CEACAM21: variants seen among roughly 807,000 people sequenced by gnomAD.
CEACAM21 encodes cell adhesion molecule CEACAM21.
In CEACAM21, 38 loss-of-function variants were observed where a neutral mutation model predicts 33.2. The observed-to-expected ratio is 1.14, with a 90% confidence interval of 0.88 to 1.50. The LOEUF (loss-of-function observed/expected upper bound fraction) is 1.50, where lower values mean the gene tolerates loss of function less well. CEACAM21 is among the 40% of genes most tolerant of loss of function. The pLI, the probability that CEACAM21 is intolerant of heterozygous loss-of-function variation, is 0.00. For synonymous variants in CEACAM21, 156 were observed against 143.0 expected (o/e 1.09, Z -0.65); for missense variants, 385 against 364.6 (o/e 1.06, Z -0.46).
intron 1 of CEACAM21, among the ~76,000 whole-genome samples, chr19:41,559,574 A>G (rs184845543): frequency 6.6e-6 from 1 of 152,332 alleles, no homozygotes; most frequent in Non-Finnish European, 1.5e-5. Context: ...ATAAGAAAAT[A>G]GTTAATATGT....
intron 4 of CEACAM21, among the ~76,000 whole-genome samples, 161 bp downstream of exon 4, chr19:41,584,604 A>T (rs2070579706): frequency 6.6e-6 from 1 of 151,846 alleles, no homozygotes; most frequent in Admixed American, 6.6e-5. Context: ...CCAGCTGCTG[A>T]CCCTGGGCTG....
intron 1 of CEACAM21, among the ~76,000 whole-genome samples, chr19:41,552,522 CTCAG>C (rs2041275038): frequency 6.6e-6 from 1 of 152,232 alleles, no homozygotes; most frequent in Non-Finnish European, 1.5e-5. Context: ...AACTTAACCA[CTCAG>C]TCAGTACTGA....
chr19:41,580,356 C>G (rs1555793138), intron 3 of CEACAM21, among the ~76,000 whole-genome samples: 1 of 152,118 alleles, frequency 6.6e-6, no homozygotes, highest in Admixed American at 6.5e-5. Flanking sequence ...CAGTTCTGCA[C>G]CGTACATCAG....
intron 2 of CEACAM21, chr19:41,565,558 T>C (rs1230268987): frequency 1.1e-5 from 1 of 92,378 alleles, no homozygotes; most frequent in Non-Finnish European, 1.8e-5. Context: ...GCCCCCCTTG[T>C]TTTTCACAGA....
intron 1 of CEACAM21, among the ~76,000 whole-genome samples, chr19:41,553,199 T>C (rs1555784832): frequency 6.6e-6 from 1 of 151,994 alleles, no homozygotes; most frequent in African/African-American, 2.4e-5. Context: ...CTTGACTCAC[T>C]GTAACCTCCG....
chr19:41,581,206 C>A (rs1363437321), intron 3 of CEACAM21, among the ~76,000 whole-genome samples: 1 of 152,242 alleles, frequency 6.6e-6, no homozygotes, highest in East Asian at 1.9e-4. Context: ...GGGTGGAAAA[C>A]CGCTTAAAGG....
At chr19:41,586,258 A>T in intron 6 of CEACAM21, 2 of 528,778 alleles carry the variant, frequency 3.8e-6, no homozygotes, top group Non-Finnish European at 7.0e-6. Context: ...ATCTGTCCCC[A>T]CTGGCATCTG....
intron 3 of CEACAM21, among the ~76,000 whole-genome samples, chr19:41,581,995 T>G (rs2043428753): frequency 6.6e-6 from 1 of 152,230 alleles, no homozygotes; most frequent in Non-Finnish European, 1.5e-5. Flanking sequence ...AAGTTTCATC[T>G]GAGACAAGGC....
intron 4 of CEACAM21, among the ~76,000 whole-genome samples, chr19:41,584,753 C>G (rs1272680321): frequency 6.6e-6 from 1 of 152,218 alleles, no homozygotes; most frequent in Non-Finnish European, 1.5e-5. Context: ...GTACCTCCCC[C>G]TGTTCACTGA....
rs1368314216 is a variant in CEACAM21 at position 41,586,620 on chromosome 19, G to A, written c.*157G>A. The A allele has an allele frequency of 1.7e-6, 1 of 571,962 alleles. No homozygotes were observed. The highest frequency in any genetic ancestry group is 1.9e-5 in the Admixed American group (1 of 51,670). The allele number at this position is 571,962 out of a possible 1,614,324, so 35.4% of individuals were successfully genotyped here. ...GGAAGGACATGGAGCCTGAGCCAGA[G>A]AACCAGCTCTGAGTCCTGAGGAGAC... On this transcript the variant is annotated 3_prime_UTR_variant, in exon 7 of 7. Coordinates refer to ENST00000401445, the MANE Select transcript of CEACAM21 (RefSeq NM_001098506.4).
intron 2 of CEACAM21, 33 bp downstream of exon 2, chr19:41,577,592 G>C: frequency 6.2e-7 from 1 of 1,608,626 alleles, no homozygotes; most frequent in Non-Finnish European, 8.5e-7. Context: ...TGGGTGTTGG[G>C]GGTCAGTTCT....
Position 41,576,298 on chromosome 19 carries a change from C to G in CEACAM21, c.24C>G (p.Pro8=). ...CCATGGGGCCCCCCTCAGCTTGTCC[C>G]CACAGAGAATGCATCCCCTGGCAGG... MGPPSAC[P]HRECIPWQGL... Residue 8 remains proline (P), a synonymous_variant, in exon 1 of 7, where the codon CCC becomes CCG. Coordinates refer to ENST00000401445, the MANE Select transcript of CEACAM21 (RefSeq NM_001098506.4). 6.2e-7 allele frequency: 1 copy of G among 1,613,360 alleles called. No individual in the cohort carries two copies. The highest frequency in any genetic ancestry group is 8.5e-7 in the Non-Finnish European group (1 of 1,179,542).
intron 1 of CEACAM21, among the ~76,000 whole-genome samples, chr19:41,561,325 A>G (rs2041869068): frequency 6.6e-6 from 1 of 152,124 alleles, no homozygotes; most frequent in Non-Finnish European, 1.5e-5. Context: ...AAAATTTGTA[A>G]TAGCAAGCTA....
chr19:41,584,475 C>A (rs1201898013), intron 4 of CEACAM21, 32 bp downstream of exon 4: 19 of 1,565,692 alleles, frequency 1.2e-5, no homozygotes, highest in Non-Finnish European at 1.7e-5. Flanking sequence ...CTGCTCCCAT[C>A]CTTCACGCTG....
intron 2 of CEACAM21, among the ~76,000 whole-genome samples, chr19:41,568,519 C>T (rs2042407894): frequency 6.6e-6 from 1 of 152,176 alleles, no homozygotes. Flanking sequence ...ATCCAATTCC[C>T]CAGCACCACT....
chr19:41,563,514 G>T (rs1292972473), intron 1 of CEACAM21, among the ~76,000 whole-genome samples: 4 of 152,252 alleles, frequency 2.6e-5, no homozygotes. Flanking sequence ...GCGCAAGGTC[G>T]CACATGCAGA....
rs781849358 is a variant in CEACAM21 at position 41,577,430 on chromosome 19, G to A, written c.295G>A (p.Glu99Lys). Residue 99 changes from glutamate to lysine, a missense_variant, in exon 2 of 7, where the codon GAG becomes AAG. Coordinates refer to ENST00000401445, the MANE Select transcript of CEACAM21 (RefSeq NM_001098506.4). Reference protein sequence around the residue: ...RTPGPAYSGRETISPSGDLHF... With the variant: ...RTPGPAYSGRKTISPSGDLHF... Reference sequence around the variant, plus strand: ...TCCAGGGCCTGCATACAGCGGTCGAGAGACAATATCACCCAGTGGAGATCT... The same window carrying A: ...TCCAGGGCCTGCATACAGCGGTCGAAAGACAATATCACCCAGTGGAGATCT... The A allele has an allele frequency of 3.0e-5, 48 of 1,614,056 alleles. No homozygotes were observed. The Admixed American group carries it at 7.5e-4, about 25-fold the overall frequency.
chr19:41,557,311 G>A (rs2041593839), intron 1 of CEACAM21, among the ~76,000 whole-genome samples: 1 of 152,088 alleles, frequency 6.6e-6, no homozygotes, highest in African/African-American at 2.4e-5. Context: ...GTTACTCTGT[G>A]GCGTGTCACT....
At chr19:41,564,446 T>G (rs1431927922) in intron 1 of CEACAM21, among the ~76,000 whole-genome samples, 2 of 152,132 alleles carry the variant, frequency 1.3e-5, no homozygotes, top group Non-Finnish European at 2.9e-5. Context: ...TCGGCAGGTG[T>G]GCGCCTCAAT....
Sources: allele counts gnomAD v4.1 joint callset (sites outside exome capture counted in the v4.1 genomes callset), GRCh38; gene constraint gnomAD v4.1.1; transcripts MANE v1.5; gene names NCBI Gene and HGNC (gene_info 2026-07-23, HGNC 2026-07-21).